POLDIP2: variants seen among roughly 807,000 people sequenced by gnomAD.
POLDIP2 encodes DNA polymerase delta interacting protein 2.
A neutral mutation model predicts 52.9 loss-of-function variants in POLDIP2; 32 were observed. The ratio of observed to expected loss-of-function variants is 0.61; its 90% CI spans 0.46 to 0.81. The LOEUF (loss-of-function observed/expected upper bound fraction) is 0.81, where lower values mean the gene tolerates loss of function less well. Ranked by LOEUF, POLDIP2 falls within the 40% of genes least tolerant of loss-of-function variation. POLDIP2 has a pLI of 0.00. For synonymous variants in POLDIP2, 183 were observed against 183.0 expected, an observed-to-expected ratio of 1.00 and a Z score of 0.00; for missense variants, 371 against 477.3, an observed-to-expected ratio of 0.78 and a Z score of 2.07.
chr17:28,356,304 C>T (rs1170088608), intron 1 of POLDIP2, among the ~76,000 whole-genome samples: 1 of 152,004 alleles, frequency 6.6e-6, no homozygotes, highest in African/African-American at 2.4e-5. Context: ...ATATCCTGCT[C>T]CCTTTACATT....
In POLDIP2 at chr17:28,349,170, G is replaced by T. The variant is rs1555579460; in HGVS notation, c.913-8C>A. ...CTTGGATAACACTGGTTCCTGTAAAGGTTTAGGCAAAATGGGTCAGGCCAA... is the reference window on the plus strand; with the variant it reads ...CTTGGATAACACTGGTTCCTGTAAATGTTTAGGCAAAATGGGTCAGGCCAA... On this transcript the variant is annotated splice_region_variant and splice_polypyrimidine_tract_variant and intron_variant, in intron 9 of 10. Coordinates refer to ENST00000540200, the MANE Select transcript of POLDIP2 (RefSeq NM_015584.5). 1 of 1,610,932 alleles carries T rather than the reference G, an allele frequency of 6.2e-7. No homozygotes were observed. Among genetic ancestry groups the T allele is most frequent in the Admixed American group, 1.7e-5 (1 of 59,770 alleles).
chr17:28,357,052 G>A (rs529946950), intron 1 of POLDIP2, among the ~76,000 whole-genome samples: 1 of 152,238 alleles, frequency 6.6e-6, no homozygotes, highest in South Asian at 2.1e-4. Flanking sequence ...CTTGGGGAGG[G>A]TAACCTGTTC....
rs114379838 is a variant in POLDIP2, at chr17:28,351,837, T to C, written c.623-37A>G. 1,814 of 1,590,950 alleles carry C rather than the reference T, an allele frequency of 1.1e-3. 25 individuals are homozygous for C. In the African/African-American group the frequency reaches 0.022, roughly 19 times the overall value. ...TACAATTGGTTAGTCCAATTGTGTG[T>C]TGTGGATACAATTGTATCTAGTCCA... On this transcript the variant is annotated intron_variant, in intron 6 of 10. Coordinates refer to ENST00000540200, the MANE Select transcript of POLDIP2 (RefSeq NM_015584.5).
At position 28,352,568 on chromosome 17, in the gene POLDIP2, C is replaced by T. The variant is rs553174282; in HGVS notation, c.622+344G>A. Among the ~76,000 whole-genome samples the T allele has an allele frequency of 6.6e-3, 859 of 130,004 alleles. 11 individuals carry two copies. The highest frequency in any genetic ancestry group is 0.024 in the African/African-American group (821 of 34,102). 85.3% of individuals were successfully genotyped at this position (130,004 alleles called of 152,430 possible). On this transcript the variant is annotated intron_variant, in intron 6 of 10. Transcript: ENST00000540200. ...TTTTTTTTTTCCTGAGATGGAGTCT[C>T]GCTCTGTTGCCCAGGCTGGAATGCA... is the stretch of plus-strand genomic sequence containing the variant.
chr17:28,355,833 C>T lies in POLDIP2; in HGVS notation c.205G>A (p.Glu69Lys), dbSNP rs1908004039. 6.2e-7 allele frequency: 1 copy of T among 1,613,030 alleles called. No individual in the cohort carries two copies. Among genetic ancestry groups the T allele is most frequent in the Non-Finnish European group, 8.5e-7 (1 of 1,179,598 alleles). Reference sequence around the variant, plus strand: ...TATTTTCCATTCTGTTTTGGCACCTCAAACACACCAACTGTCTCCAACACT... The same window carrying T: ...TATTTTCCATTCTGTTTTGGCACCTTAAACACACCAACTGTCTCCAACACT... ...GKVLETVGVF[E>K]VPKQNGKYET... Residue 69 changes from glutamate to lysine, a missense_variant, in exon 2 of 11, where the codon GAG (glutamate) becomes AAG (lysine). Transcript: ENST00000540200.
chr17:28,352,310 T>C (rs1597800559), intron 6 of POLDIP2, among the ~76,000 whole-genome samples: 1 of 137,692 alleles, frequency 7.3e-6, no homozygotes, highest in East Asian at 2.5e-4. Flanking sequence ...TGATCTCAGC[T>C]CACTACAACC....
rs1277763187 is a variant in POLDIP2 at position 28,347,547 on chromosome 17, GCCTC to G, written c.*566_*569del. The G allele has an allele frequency of 1.4e-4, 21 of 153,272 alleles. No homozygotes were observed. The highest frequency in any genetic ancestry group is 2.6e-4 in the Admixed American group (4 of 15,410). 9.5% of individuals were successfully genotyped at this position (153,272 alleles called of 1,614,324 possible). A position where few individuals can be genotyped will look rare whatever the true frequency, so the allele number is the denominator to read the frequency against. On this transcript the variant is annotated 3_prime_UTR_variant, in exon 11 of 11. Coordinates refer to ENST00000540200, the MANE Select transcript of POLDIP2 (RefSeq NM_015584.5). ...CCAGGCCACTCCGACCCTGACACTGGCCTCCCTCTCTGCATTTGGCAGAAGGTAA... is the reference window on the plus strand; with the variant it reads ...CCAGGCCACTCCGACCCTGACACTGGCCTCTCTGCATTTGGCAGAAGGTAA...
At position 28,353,795 on chromosome 17, in the gene POLDIP2, T is replaced by C. The variant is rs149683227; in HGVS notation, c.342-4A>G. On this transcript the variant is annotated splice_polypyrimidine_tract_variant and splice_region_variant and intron_variant, in intron 3 of 10. Coordinates refer to ENST00000540200, the MANE Select transcript of POLDIP2 (RefSeq NM_015584.5). Reference sequence around the variant, plus strand: ...ATGGCCAGCAGGGTTCTCTGCTCTATGGGGTGGGAGAAGGAGGCCAAGATC... The same window carrying C: ...ATGGCCAGCAGGGTTCTCTGCTCTACGGGGTGGGAGAAGGAGGCCAAGATC... 1,206 of 1,604,496 alleles carry C rather than the reference T, an allele frequency of 7.5e-4. 8 individuals are homozygous for C. In the African/African-American group the frequency reaches 0.015, roughly 19 times the overall value.
At chr17:28,355,398 G>A (rs1379807849) in intron 2 of POLDIP2, among the ~76,000 whole-genome samples, 1 of 152,134 alleles carries the variant, frequency 6.6e-6, no homozygotes, top group South Asian at 2.1e-4. Context: ...ACCTGAGGTC[G>A]GGAGCTCGAG....
At chr17:28,354,722 A>G in intron 2 of POLDIP2, 137 bp from the exon 3 acceptor site, 1 of 663,054 alleles carries the variant, frequency 1.5e-6, no homozygotes, top group South Asian at 1.7e-5. Flanking sequence ...TCTGTGATCA[A>G]CCAGACCAAT....
chr17:28,349,282 A>C (rs1490613339), intron 9 of POLDIP2, 120 bp from the exon 10 acceptor site: 13 of 647,604 alleles, frequency 2.0e-5, no homozygotes, highest in African/African-American at 3.6e-5. Context: ...AGCCACCACC[A>C]CAGCAGGCAC....
chr17:28,349,499 G>A (rs1907716727), intron 9 of POLDIP2, among the ~76,000 whole-genome samples: 1 of 151,440 alleles, frequency 6.6e-6, no homozygotes. Flanking sequence ...AAACTAACCA[G>A]GCATAGTGGT....
chr17:28,353,206 T>C lies in POLDIP2; in HGVS notation c.514+35A>G, dbSNP rs781876274. On this transcript the variant is annotated intron_variant, in intron 5 of 10. Coordinates refer to ENST00000540200, the MANE Select transcript of POLDIP2 (RefSeq NM_015584.5). The stretch of plus-strand genomic sequence containing the variant: ...TCTCCCTGAGACACACCAGACTCCT[T>C]CTTGACGGGCACCATTCAAATGCTA... 5.3e-5 allele frequency: 57 copies of C among 1,083,048 alleles called. 1 individual carries two copies. The Middle Eastern group carries it at 5.1e-3, about 98-fold the overall frequency. The allele number at this position is 1,083,048 out of a possible 1,614,324, so 67.1% of individuals were successfully genotyped here. A position where few individuals can be genotyped will look rare whatever the true frequency, so the allele number is the denominator to read the frequency against.
chr17:28,350,112 A>G (rs1907740675), intron 9 of POLDIP2, among the ~76,000 whole-genome samples: 1 of 152,172 alleles, frequency 6.6e-6, no homozygotes, highest in South Asian at 2.1e-4. Context: ...CGACATTCAA[A>G]TTTTAGTTTT....
Position 28,348,081 on chromosome 17 carries a change from G to A in POLDIP2, c.*36C>T, listed in dbSNP as rs200545657. 2.8e-3 allele frequency: 3,490 copies of A among 1,258,532 alleles called. 15 individuals are homozygous for A. The highest frequency in any genetic ancestry group is 4.6e-3 in the Admixed American group (269 of 58,796). The allele number at this position is 1,258,532 out of a possible 1,614,324, so 78.0% of individuals were successfully genotyped here. ...TTGTGGGATGAGAGTTGTTCTTCCC[G>A]GTGACCAAGCCTGGGCACTTGGGGC... On this transcript the variant is annotated 3_prime_UTR_variant, in exon 11 of 11. Transcript: ENST00000540200.
intron 9 of POLDIP2, 113 bp downstream of exon 9, chr17:28,350,325 C>T: frequency 2.3e-6 from 2 of 888,700 alleles, no homozygotes; most frequent in Non-Finnish European, 3.2e-6. Context: ...CAAAACAACA[C>T]AATGTATTCA....
At chr17:28,348,299 C>T (rs1907664831) in intron 10 of POLDIP2, 68 bp from the exon 11 acceptor site, 7 of 1,005,844 alleles carry the variant, frequency 7.0e-6, no homozygotes, top group Non-Finnish European at 1.1e-5. Flanking sequence ...TGGATGGCCC[C>T]ATGCCCTCAG....
chr17:28,351,377 A>T (rs2142395429), intron 7 of POLDIP2, among the ~76,000 whole-genome samples: 1 of 152,324 alleles, frequency 6.6e-6, no homozygotes, highest in Non-Finnish European at 1.5e-5. Context: ...ACTGCTTTAA[A>T]TAATTATGTG....
intron 7 of POLDIP2, among the ~76,000 whole-genome samples, chr17:28,351,233 A>C (rs782178933): frequency 7.9e-5 from 12 of 152,170 alleles, no homozygotes; most frequent in Non-Finnish European, 1.6e-4. Flanking sequence ...ATTTGTATCC[A>C]AGCATGCACT....
Sources: allele counts gnomAD v4.1 joint callset (sites outside exome capture counted in the v4.1 genomes callset), GRCh38; gene constraint gnomAD v4.1.1; transcripts MANE v1.5; gene names NCBI Gene and HGNC (gene_info 2026-07-23, HGNC 2026-07-21).